The following ICA1 variants were observed in gnomAD, a reference collection of about 807,000 sequenced individuals.
ICA1 encodes islet cell autoantigen 1, also known as 69 kDa islet cell autoantigen.
Under a neutral mutation model 71.0 loss-of-function variants are expected in ICA1, and 40 were observed. The observed-to-expected ratio is 0.56, with a 90% CI of 0.44 to 0.73. The LOEUF (loss-of-function observed/expected upper bound fraction) is 0.73, where lower values mean the gene tolerates loss of function less well. Ranked by LOEUF, ICA1 falls within the 30% of genes least tolerant of loss-of-function variation. The pLI is 0.00. For synonymous variants in ICA1, 207 were observed against 209.5 expected (o/e 0.99, Z 0.10); for missense variants, 578 against 576.5 (o/e 1.00, Z -0.03).
intron 6 of ICA1, among the ~76,000 whole-genome samples, chr7:8,192,179 G>C (rs2128301192): frequency 6.6e-6 from 1 of 152,206 alleles, no homozygotes; most frequent in South Asian, 2.1e-4. Context: ...AGACCTTATT[G>C]TGATTTTATC....
intron 12 of ICA1, among the ~76,000 whole-genome samples, chr7:8,128,577 G>T (rs1004652892): frequency 2.6e-5 from 4 of 152,156 alleles, no homozygotes; most frequent in African/African-American, 7.2e-5. Context: ...AGCCTGTCCT[G>T]CCACCCAGGA....
At chr7:8,198,841 C>A (rs1788567201) in intron 6 of ICA1, among the ~76,000 whole-genome samples, 1 of 152,088 alleles carries the variant, frequency 6.6e-6, no homozygotes, top group South Asian at 2.1e-4. Context: ...AAATAATGTG[C>A]AAACTACCTG....
chr7:8,160,297 TATAATA>T (rs1803288145), intron 6 of ICA1, among the ~76,000 whole-genome samples: 1 of 152,348 alleles, frequency 6.6e-6, no homozygotes, highest in South Asian at 2.1e-4. Context: ...TAGGATGTTA[TATAATA>T]ATAACTAAAT....
chr7:8,113,684 G>T lies in ICA1; in HGVS notation c.*239C>A. ...ATGGGATGTAGGCAGGAGAGCGGTGGCCTGGAAACCGCTTCTAGACAATCC... is the reference window on the plus strand; with the variant it reads ...ATGGGATGTAGGCAGGAGAGCGGTGTCCTGGAAACCGCTTCTAGACAATCC... On this transcript the variant is annotated 3_prime_UTR_variant, in exon 14 of 14. Coordinates refer to ENST00000402384, the MANE Select transcript of ICA1 (RefSeq NM_001136020.3). This position sits in a 1 kb window ranked among gnomAD's most constrained non-coding sequence, Gnocchi z 4.2. 2.6e-6 allele frequency: 1 copy of T among 380,850 alleles called. No homozygotes were observed. Among genetic ancestry groups the T allele is most frequent in the Non-Finnish European group, 4.9e-6 (1 of 206,034 alleles). The allele number at this position is 380,850 out of a possible 1,614,324, so 23.6% of individuals were successfully genotyped here.
At chr7:8,186,821 T>C (rs1317740811) in intron 6 of ICA1, among the ~76,000 whole-genome samples, 1 of 152,178 alleles carries the variant, frequency 6.6e-6, no homozygotes, top group African/African-American at 2.4e-5. Context: ...AGGGGAAATA[T>C]GAAAACTAGT....
intron 1 of ICA1, among the ~76,000 whole-genome samples, chr7:8,261,320 C>G (rs537648047): frequency 6.6e-6 from 1 of 152,246 alleles, no homozygotes; most frequent in African/African-American, 2.4e-5. Context: ...GGGAAAGGTT[C>G]CTGGAGAGCC....
At chr7:8,248,834 T>C (rs1444545681) in intron 1 of ICA1, among the ~76,000 whole-genome samples, 1 of 152,224 alleles carries the variant, frequency 6.6e-6, no homozygotes, top group African/African-American at 2.4e-5. Flanking sequence ...AATCACTCAT[T>C]CCTAAACACC....
At chr7:8,117,947 AGAGTCCTGAGCCCCTGG>A (rs1398467531) in intron 13 of ICA1, among the ~76,000 whole-genome samples, 2 of 152,200 alleles carry the variant, frequency 1.3e-5, no homozygotes, top group African/African-American at 2.4e-5. Context: ...CTCATTTCCT[AGAGTCCTGAGCCCCTGG>A]AAGCCAGGGA....
Position 8,218,420 on chromosome 7 carries a change from G to A in ICA1, c.464C>T (p.Thr155Met), listed in dbSNP as rs2128413087. 8 of 1,614,042 alleles carry A rather than the reference G, an allele frequency of 5.0e-6. No individual in the cohort carries two copies. The highest frequency in any genetic ancestry group is 5.9e-6 in the Non-Finnish European group (7 of 1,179,970). Residue 155 changes from threonine to methionine, a missense_variant, in exon 6 of 14, where the codon ACG (threonine) becomes ATG (methionine). Transcript: ENST00000402384. ...CCTGCACTGTTCCATGCGGTTCACC[G>A]TCAGCCAAGTATCTGAGATGGCCCG... Reference protein sequence around the residue: ...RHRAISDTWLTVNRMEQCRTE... With the variant: ...RHRAISDTWLMVNRMEQCRTE...
intron 6 of ICA1, among the ~76,000 whole-genome samples, chr7:8,201,926 A>C (rs1789847211): frequency 6.6e-6 from 1 of 152,154 alleles, no homozygotes; most frequent in South Asian, 2.1e-4. Context: ...CTCACCATGC[A>C]AGCCCAGATG....
chr7:8,222,084 A>C lies in ICA1; in HGVS notation c.257-686T>G, dbSNP rs1222670980. ...CAGACTGATTTGACGGTAAACATTT[A>C]AAAAATCATAGAATTACATGTATCT... On this transcript the variant is annotated intron_variant, in intron 4 of 13. Transcript: ENST00000402384. The surrounding 1 kb of genome is among the most constrained non-coding windows in gnomAD (Gnocchi z 4.8). Among the ~76,000 whole-genome samples the C allele has an allele frequency of 6.6e-6, 1 of 152,158 alleles. No individual in the cohort carries two copies. Among genetic ancestry groups the C allele is most frequent in the Non-Finnish European group, 1.5e-5 (1 of 68,018 alleles).
At chr7:8,251,788 C>T (rs554534710) in intron 1 of ICA1, among the ~76,000 whole-genome samples, 1 of 152,192 alleles carries the variant, frequency 6.6e-6, no homozygotes, top group East Asian at 1.9e-4. Flanking sequence ...ATGTCATCTT[C>T]AGCATTAATA....
chr7:8,115,850 C>T (rs993617037), intron 13 of ICA1, among the ~76,000 whole-genome samples: 1 of 152,242 alleles, frequency 6.6e-6, no homozygotes, highest in Non-Finnish European at 1.5e-5. Flanking sequence ...CTTTTGACAA[C>T]TATGAAACCT....
chr7:8,227,982 A>G, intron 4 of ICA1: 2 of 308,858 alleles, frequency 6.5e-6, no homozygotes, highest in Non-Finnish European at 1.3e-5. Flanking sequence ...GCAGTCAGCA[A>G]CAGAAAGACT....
chr7:8,235,948 T>G lies in ICA1; in HGVS notation c.-22A>C. Reference sequence around the variant, plus strand: ...ACATGTTTTCTTCTTCTTCTATTGTTGATGATTTGGGGAGAAGGGGCAGGA... The same window carrying G: ...ACATGTTTTCTTCTTCTTCTATTGTGGATGATTTGGGGAGAAGGGGCAGGA... On this transcript the variant is annotated 5_prime_UTR_variant, in exon 2 of 14. Transcript: ENST00000402384. The G allele has an allele frequency of 6.2e-7, 1 of 1,612,434 alleles. No individual in the cohort carries two copies.
At chr7:8,224,753 G>A (rs1798109516) in intron 4 of ICA1, among the ~76,000 whole-genome samples, 1 of 152,294 alleles carries the variant, frequency 6.6e-6, no homozygotes, top group African/African-American at 2.4e-5. Context: ...AACATTGAGT[G>A]TCCTTAGTTT....
intron 8 of ICA1, among the ~76,000 whole-genome samples, chr7:8,152,962 TCTC>T (rs1364632072): frequency 6.7e-6 from 1 of 149,664 alleles, no homozygotes; most frequent in African/African-American, 2.4e-5. Flanking sequence ...ACTACCATCA[TCTC>T]CTCCATCACC....
intron 2 of ICA1, among the ~76,000 whole-genome samples, chr7:8,235,319 G>A (rs1168440015): frequency 6.6e-6 from 1 of 152,198 alleles, no homozygotes; most frequent in African/African-American, 2.4e-5. Context: ...ACTGCTTGAA[G>A]AGCTCTGGAC....
At chr7:8,128,200 C>T in intron 12 of ICA1, 58 bp from the exon 13 acceptor site, 2 of 1,567,990 alleles carry the variant, frequency 1.3e-6, no homozygotes, top group Non-Finnish European at 1.7e-6. Context: ...CCTCAGGAAT[C>T]AATGCTGTGG....
Sources: allele counts gnomAD v4.1 joint callset (sites outside exome capture counted in the v4.1 genomes callset), GRCh38; gene constraint gnomAD v4.1.1; non-coding constraint Gnocchi (gnomAD v3.1); transcripts MANE v1.5; gene names NCBI Gene and HGNC (gene_info 2026-07-23, HGNC 2026-07-21).